The following PCDHA6 variants were observed in gnomAD, a reference collection of about 807,000 sequenced individuals.
PCDHA6 encodes the protein protocadherin alpha-6.
PCDHA6 carries 55 observed loss-of-function variants against 60.3 expected under a neutral mutation model. The observed-to-expected ratio is 0.91, with a 90% CI of 0.73 to 1.14. The LOEUF (loss-of-function observed/expected upper bound fraction) is 1.14, where lower values mean the gene tolerates loss of function less well. Ranked by LOEUF, PCDHA6 falls within the 50% of genes most tolerant of loss-of-function variation. The probability of loss-of-function intolerance (pLI) is 0.00; values close to 1 mark genes in which losing one functional copy is unlikely to be tolerated. For missense variants in PCDHA6, 1,327 were observed against 1,256.5 expected, an observed-to-expected ratio of 1.06 and a Z score of -0.85; for synonymous variants, 652 against 557.9, an observed-to-expected ratio of 1.17 and a Z score of -2.38.
intron 1 of PCDHA6, among the ~76,000 whole-genome samples, chr5:140,931,298 AAG>A (rs2087432571): frequency 6.6e-6 from 1 of 152,144 alleles, no homozygotes; most frequent in African/African-American, 2.4e-5. Context: ...CTGTAACAAA[AAG>A]AGAGGAGAAT....
intron 1 of PCDHA6, among the ~76,000 whole-genome samples, chr5:140,972,660 ATT>A (rs11350929): frequency 0.036 from 4,256 of 117,216 alleles, 192 homozygotes; most frequent in African/African-American, 0.13. Context: ...AAGAAACCAA[ATT>A]TTTTTTTTTT....
intron 1 of PCDHA6, among the ~76,000 whole-genome samples, chr5:140,911,116 C>G (rs1184319768): frequency 6.6e-6 from 1 of 152,142 alleles, no homozygotes; most frequent in Non-Finnish European, 1.5e-5. Flanking sequence ...GAAGCCATCA[C>G]TGTTGCCTCA....
At chr5:140,976,143 A>G (rs2096703250) in intron 1 of PCDHA6, among the ~76,000 whole-genome samples, 1 of 152,236 alleles carries the variant, frequency 6.6e-6, no homozygotes, top group South Asian at 2.1e-4. Flanking sequence ...GATGAAACTC[A>G]TGTACATTTT....
At chr5:140,866,852 C>T (rs1004486221) in intron 1 of PCDHA6, 1 of 152,106 alleles carries the variant, frequency 6.6e-6, no homozygotes, top group Non-Finnish European at 1.5e-5. Flanking sequence ...TTAACAATAA[C>T]TGTATTGAAA....
At chr5:140,840,754 G>A (rs1776856171) in intron 1 of PCDHA6, among the ~76,000 whole-genome samples, 1 of 152,010 alleles carries the variant, frequency 6.6e-6, no homozygotes. Flanking sequence ...AAGAACACAA[G>A]AAGATAAAAT....
At chr5:140,953,948 C>A (rs1012464637) in intron 1 of PCDHA6, among the ~76,000 whole-genome samples, 2 of 152,092 alleles carry the variant, frequency 1.3e-5, no homozygotes, top group Non-Finnish European at 2.9e-5. Context: ...CATTGCTCCC[C>A]CAACAGGCCC....
At chr5:140,912,125 T>C (rs1197015933) in intron 1 of PCDHA6, among the ~76,000 whole-genome samples, 1 of 152,160 alleles carries the variant, frequency 6.6e-6, no homozygotes, top group East Asian at 1.9e-4. Flanking sequence ...GCTAAGTCAG[T>C]CTAATCTCTC....
intron 1 of PCDHA6, among the ~76,000 whole-genome samples, chr5:140,956,811 C>T (rs1349300314): frequency 6.6e-6 from 1 of 152,108 alleles, no homozygotes; most frequent in African/African-American, 2.4e-5. Context: ...TTTATTATTG[C>T]TTCAATTTGT....
intron 1 of PCDHA6, among the ~76,000 whole-genome samples, chr5:140,920,769 G>T (rs2153558518): frequency 6.6e-6 from 1 of 151,918 alleles, no homozygotes; most frequent in African/African-American, 2.4e-5. Context: ...GCTTACACCT[G>T]GGAGGTGGAG....
At chr5:140,997,291 G>C (rs2097766119) in intron 3 of PCDHA6, among the ~76,000 whole-genome samples, 1 of 152,030 alleles carries the variant, frequency 6.6e-6, no homozygotes, top group African/African-American at 2.4e-5. Flanking sequence ...TTAACAATGG[G>C]GATACACTGA....
At chr5:140,931,373 C>T (rs1290408788) in intron 1 of PCDHA6, among the ~76,000 whole-genome samples, 1 of 151,646 alleles carries the variant, frequency 6.6e-6, no homozygotes, top group Non-Finnish European at 1.5e-5. Context: ...TTTCACTAGA[C>T]TAGAAAGGAA....
chr5:140,875,234 T>C, intron 1 of PCDHA6: 1 of 867,742 alleles, frequency 1.2e-6, no homozygotes. Context: ...ATCTTTCTTG[T>C]ACTTACATAA....
intron 1 of PCDHA6, among the ~76,000 whole-genome samples, chr5:140,912,343 ATTT>A (rs35252606): frequency 2.8e-5 from 4 of 143,838 alleles, no homozygotes; most frequent in African/African-American, 5.1e-5. Context: ...TACACTAAGT[ATTT>A]TTTTTTTTTT....
chr5:140,834,254 G>C, intron 1 of PCDHA6: 2 of 927,248 alleles, frequency 2.2e-6, no homozygotes, highest in Non-Finnish European at 3.3e-6. Context: ...CTGGAAAGAC[G>C]CTCCACTCTC....
intron 1 of PCDHA6, among the ~76,000 whole-genome samples, chr5:140,940,172 C>T (rs1177302028): frequency 6.6e-6 from 1 of 152,102 alleles, no homozygotes; most frequent in Non-Finnish European, 1.5e-5. Flanking sequence ...AAATGTCATT[C>T]TTGATAGATA....
Position 140,854,738 on chromosome 5 carries a change from G to A in PCDHA6, c.2394+24253G>A, listed in dbSNP as rs894422305. The A allele has an allele frequency of 8.7e-5, 13 of 149,392 alleles. 1 individual carries two copies. The East Asian group carries it at 2.5e-3, about 29-fold the overall frequency. 9.3% of individuals were successfully genotyped at this position (149,392 alleles called of 1,614,324 possible). On this transcript the variant is annotated intron_variant, in intron 1 of 3. Coordinates refer to ENST00000529310, the MANE Select transcript of PCDHA6 (RefSeq NM_018909.4). ...CAGAAAACTCAAGTTTTTTTCAGCA[G>A]CACAGATATATTACATTTTCATTCC...
chr5:140,849,798 C>T (rs1356253349), intron 1 of PCDHA6: 4 of 1,598,532 alleles, frequency 2.5e-6, no homozygotes, highest in Non-Finnish European at 3.4e-6. Context: ...CTCGCCTTCA[C>T]TGTGGGCCAC....
intron 1 of PCDHA6, among the ~76,000 whole-genome samples, chr5:140,941,768 T>C (rs576405772): frequency 2.6e-5 from 4 of 152,254 alleles, no homozygotes; most frequent in Non-Finnish European, 5.9e-5. Context: ...TTTAAGATAA[T>C]TGTTTTAATG....
At chr5:140,876,868 G>A in intron 1 of PCDHA6, 7 of 1,614,160 alleles carry the variant, frequency 4.3e-6, no homozygotes, top group Non-Finnish European at 5.9e-6. Context: ...GTTCGTGAAG[G>A]AGAACAACCC....
Sources: gnomAD v4.1 joint callset for allele counts (sites outside exome capture counted in the v4.1 genomes callset) on GRCh38, gnomAD v4.1.1 for gene constraint, MANE v1.5 for transcripts, NCBI Gene and HGNC (gene_info 2026-07-23, HGNC 2026-07-21) for gene names.